Variants in SUGCT observed in about 807,000 individuals in gnomAD.
The protein encoded by SUGCT is succinyl-CoA:glutarate-CoA transferase, also known as succinyl-CoA:glutarate CoA-transferase.
SUGCT carries 41 observed loss-of-function variants against 55.0 expected under a neutral mutation model. That is an observed-to-expected ratio of 0.74 (90% CI 0.58 to 0.97). The LOEUF (loss-of-function observed/expected upper bound fraction) is 0.97. Ranked by LOEUF, SUGCT falls within the 50% of genes least tolerant of loss-of-function variation. SUGCT has a pLI of 0.00. For missense variants in SUGCT, 568 were observed against 547.8 expected, an observed-to-expected ratio of 1.04 and a Z score of -0.37; for synonymous variants, 187 against 200.4, an observed-to-expected ratio of 0.93 and a Z score of 0.56.
intron 9 of SUGCT, among the ~76,000 whole-genome samples, chr7:40,355,535 G>A (rs1402462185): frequency 1.3e-5 from 2 of 152,128 alleles, no homozygotes; most frequent in Non-Finnish European, 2.9e-5. Context: ...ATATAGTCAA[G>A]AATTTAGGCT....
chr7:40,910,962 C>T, the SUGCT span, among the ~76,000 whole-genome samples: 1 of 152,094 alleles, frequency 6.6e-6, no homozygotes, highest in African/African-American at 2.4e-5. Context: ...ATTGTGTTTT[C>T]AGGAAAGAAA....
intron 12 of SUGCT, among the ~76,000 whole-genome samples, chr7:40,561,660 G>A (rs896526718): frequency 6.7e-6 from 1 of 150,036 alleles, no homozygotes; most frequent in Non-Finnish European, 1.5e-5. Flanking sequence ...CGGATGATTC[G>A]CCAGAGGTGG....
At chr7:40,766,431 A>T (rs1433820814) in intron 13 of SUGCT, among the ~76,000 whole-genome samples, 2 of 152,118 alleles carry the variant, frequency 1.3e-5, no homozygotes, top group African/African-American at 4.8e-5. Context: ...GCTGGTCTCG[A>T]ACTCCTGACC....
chr7:40,424,019 A>G (rs1482525616), intron 9 of SUGCT, among the ~76,000 whole-genome samples: 2 of 152,116 alleles, frequency 1.3e-5, no homozygotes, highest in Non-Finnish European at 2.9e-5. Context: ...TAAGAAAAAA[A>G]AAGTTTTAGG....
intron 12 of SUGCT, among the ~76,000 whole-genome samples, chr7:40,706,744 A>C (rs1785430558): frequency 6.6e-6 from 1 of 152,190 alleles, no homozygotes. Context: ...GCGAGCAGCT[A>C]TCTCTAGAGA....
the SUGCT span, among the ~76,000 whole-genome samples, chr7:40,893,968 T>C: frequency 1.3e-5 from 2 of 149,838 alleles, no homozygotes; most frequent in Non-Finnish European, 3.0e-5. Context: ...GAATGAGACA[T>C]GAGACTCACT....
chr7:40,324,267 A>ATTTATTTT (rs1795910726), intron 9 of SUGCT, among the ~76,000 whole-genome samples: 3 of 145,618 alleles, frequency 2.1e-5, no homozygotes, highest in Admixed American at 6.9e-5. Context: ...ATATATATTT[A>ATTTATTTT]TTTTTTGAGA....
chr7:40,988,138 G>T, the SUGCT span, among the ~76,000 whole-genome samples: 6 of 151,194 alleles, frequency 4.0e-5, no homozygotes, highest in South Asian at 6.4e-4. Flanking sequence ...GGGTTTATTC[G>T]TCTTTTGTAA....
At chr7:40,577,580 C>G (rs772230884) in intron 12 of SUGCT, among the ~76,000 whole-genome samples, 2 of 152,114 alleles carry the variant, frequency 1.3e-5, no homozygotes, top group African/African-American at 2.4e-5. Context: ...TGTAAACTCT[C>G]TATCTCACAC....
At chr7:41,030,720 T>C in the SUGCT span, among the ~76,000 whole-genome samples, 1 of 152,166 alleles carries the variant, frequency 6.6e-6, no homozygotes, top group East Asian at 1.9e-4. Context: ...CATTTCTGTT[T>C]GGTCTTTACA....
At chr7:40,195,226 T>C (rs202040843) in intron 6 of SUGCT, among the ~76,000 whole-genome samples, 166 bp downstream of exon 6, 3 of 146,832 alleles carry the variant, frequency 2.0e-5, no homozygotes, top group Admixed American at 6.8e-5. Context: ...TTTTTTCTTT[T>C]TTTTTTTTTT....
the SUGCT span, among the ~76,000 whole-genome samples, chr7:40,891,478 T>C: frequency 5.3e-5 from 8 of 152,070 alleles, 1 homozygote. Context: ...AGCAGAAACC[T>C]TGCAAGCCAG....
At chr7:40,411,739 A>G (rs1344886043) in intron 9 of SUGCT, among the ~76,000 whole-genome samples, 3 of 152,136 alleles carry the variant, frequency 2.0e-5, no homozygotes, top group South Asian at 2.1e-4. Flanking sequence ...ACAATAATCT[A>G]TTGTACATTT....
chr7:40,311,248 T>C (rs1266725634), intron 8 of SUGCT, among the ~76,000 whole-genome samples: 1 of 152,238 alleles, frequency 6.6e-6, no homozygotes, highest in Non-Finnish European at 1.5e-5. Flanking sequence ...GATTTTTCCA[T>C]GTCTACTGCT....
At chr7:40,569,588 A>C (rs1304490915) in intron 12 of SUGCT, among the ~76,000 whole-genome samples, 1 of 152,146 alleles carries the variant, frequency 6.6e-6, no homozygotes, top group African/African-American at 2.4e-5. Flanking sequence ...TGGGGCAAAG[A>C]GGCACTTCCT....
rs644966 is a variant in SUGCT at position 40,188,429 on chromosome 7, A to T, written c.227-66A>T. 0.11 allele frequency: 103,657 copies of T among 965,496 alleles called. 7,331 individuals carry two copies. The highest frequency in any genetic ancestry group is 0.13 in the Non-Finnish European group (84,741 of 670,666). The allele number at this position is 965,496 out of a possible 1,614,324, so 59.8% of individuals were successfully genotyped here. A position where few individuals can be genotyped will look rare whatever the true frequency, so the allele number is the denominator to read the frequency against. ...AGCCTGGGCAACAGAGCAAGACTCC[A>T]TCTCCAAAAAAAAAAAAAAAAAAAA... On this transcript the variant is annotated intron_variant, in intron 3 of 13. Coordinates refer to ENST00000335693, the MANE Select transcript of SUGCT (RefSeq NM_001193313.2).
intron 9 of SUGCT, among the ~76,000 whole-genome samples, chr7:40,335,462 A>G (rs1299367784): frequency 6.6e-6 from 1 of 151,828 alleles, no homozygotes; most frequent in East Asian, 1.9e-4. Context: ...GAGGTCCTTC[A>G]CATCCCTTGT....
At position 40,459,165 on chromosome 7, in the gene SUGCT, A is replaced by G. The variant is rs1406666981; in HGVS notation, c.953A>G (p.Asn318Ser). The G allele has an allele frequency of 2.5e-6, 4 of 1,610,130 alleles. No individual in the cohort carries two copies. The African/African-American group carries it at 4.0e-5, about 16-fold the overall frequency. ...AAAACTAACCACCTTCGGGTACACAATAGAAAAGAGCTTATTAAAATATTA... is the reference window on the plus strand; with the variant it reads ...AAAACTAACCACCTTCGGGTACACAGTAGAAAAGAGCTTATTAAAATATTA... ...KYKTNHLRVH[N>S]RKELIKILSE... Residue 318 changes from asparagine to serine, a missense_variant, in exon 11 of 14, where the codon AAT becomes AGT. Transcript: ENST00000335693.
chr7:40,270,323 A>G (rs1791925119), intron 7 of SUGCT, among the ~76,000 whole-genome samples: 2 of 152,198 alleles, frequency 1.3e-5, no homozygotes, highest in Middle Eastern at 3.4e-3. Context: ...ATGTCATATC[A>G]AAGAAATTAT....
Sources: gnomAD v4.1 joint callset for allele counts (sites outside exome capture counted in the v4.1 genomes callset) on GRCh38, gnomAD v4.1.1 for gene constraint, MANE v1.5 for transcripts, NCBI Gene and HGNC (gene_info 2026-07-23, HGNC 2026-07-21) for gene names.